The following RAPGEF2 variants were observed in gnomAD, a reference collection of about 807,000 sequenced individuals.
RAPGEF2 encodes Rap guanine nucleotide exchange factor 2.
RAPGEF2 carries 54 observed loss-of-function variants against 186.7 expected under a neutral mutation model. The ratio of observed to expected loss-of-function variants is 0.29; its 90% CI spans 0.23 to 0.36. The LOEUF (loss-of-function observed/expected upper bound fraction) is 0.36. Ranked by LOEUF, RAPGEF2 falls within the 10% of genes least tolerant of loss-of-function variation. The probability of loss-of-function intolerance (pLI) is 1.00; values close to 1 mark genes in which losing one functional copy is unlikely to be tolerated. For synonymous variants in RAPGEF2, 712 were observed against 705.9 expected, an observed-to-expected ratio of 1.01 and a Z score of -0.14; for missense variants, 1,532 against 2,045.0, an observed-to-expected ratio of 0.75 and a Z score of 4.84.
At chr4:159,351,690 C>A (rs1731194821) in intron 26 of RAPGEF2, among the ~76,000 whole-genome samples, 3 of 152,110 alleles carry the variant, frequency 2.0e-5, no homozygotes, top group Admixed American at 2.0e-4. Context: ...CGCCTGTAAT[C>A]CCAGCACTTT....
At chr4:159,249,747 A>G (rs1319663199) in intron 7 of RAPGEF2, among the ~76,000 whole-genome samples, 1 of 152,052 alleles carries the variant, frequency 6.6e-6, no homozygotes, top group East Asian at 1.9e-4. Context: ...TCTTTTTCCC[A>G]GTAACAGCTT....
At chr4:159,243,866 T>C in intron 7 of RAPGEF2, 75 bp downstream of exon 7, 1 of 1,036,024 alleles carries the variant, frequency 9.7e-7, no homozygotes, top group Admixed American at 2.3e-5. Flanking sequence ...CTAATGAATT[T>C]ATAATATTCA....
At chr4:159,115,168 A>C (rs1738908317) in intron 1 of RAPGEF2, among the ~76,000 whole-genome samples, 2 of 152,156 alleles carry the variant, frequency 1.3e-5, no homozygotes, top group African/African-American at 4.8e-5. Flanking sequence ...GTACTGGAGA[A>C]TGAATGCTGT....
chr4:159,125,695 T>C (rs756733399), intron 1 of RAPGEF2, among the ~76,000 whole-genome samples: 3 of 151,884 alleles, frequency 2.0e-5, no homozygotes, highest in South Asian at 4.2e-4. Context: ...GTGGCAGAGC[T>C]TGCAGTGAGC....
intron 4 of RAPGEF2, among the ~76,000 whole-genome samples, chr4:159,223,223 G>A (rs1285069977): frequency 1.3e-5 from 2 of 150,554 alleles, no homozygotes; most frequent in Non-Finnish European, 1.5e-5. Flanking sequence ...GCGTTATAGG[G>A]GTTACATATT....
intron 1 of RAPGEF2, among the ~76,000 whole-genome samples, chr4:159,119,510 T>A (rs982912414): frequency 3.3e-5 from 5 of 152,210 alleles, no homozygotes; most frequent in Admixed American, 3.3e-4. Flanking sequence ...ATTTCTCCAA[T>A]TTACTTTGCA....
At chr4:159,220,131 A>G (rs1278246808) in intron 4 of RAPGEF2, among the ~76,000 whole-genome samples, 2 of 152,190 alleles carry the variant, frequency 1.3e-5, no homozygotes, top group African/African-American at 4.8e-5. Context: ...TGAGGAGACA[A>G]TGGGGAAAGA....
rs554728730 is a variant in RAPGEF2, at chr4:159,352,816, C to T, written c.3997C>T (p.Arg1333Cys). 2.8e-5 allele frequency: 45 copies of T among 1,614,144 alleles called. No individual in the cohort carries two copies. The East Asian group carries it at 3.6e-4, about 13-fold the overall frequency. The change falls in exon 27 of 30, where the codon CGC (arginine) becomes TGC (cysteine). Residue 1333 changes from arginine (R) to cysteine (C), a missense_variant. Coordinates refer to ENST00000691494, the MANE Select transcript of RAPGEF2 (RefSeq NM_001394067.2). ...GCCAGTCTCACTGCACGATGAGAGG[C>T]GCCAGAGGCATTCTGTCAGCATCGT... Reference protein sequence around the residue: ...SVPVSLHDERRQRHSVSIVET... With the variant: ...SVPVSLHDERCQRHSVSIVET...
chr4:159,232,839 C>G (rs1250049237), intron 4 of RAPGEF2, among the ~76,000 whole-genome samples: 1 of 152,086 alleles, frequency 6.6e-6, no homozygotes, highest in Non-Finnish European at 1.5e-5. Flanking sequence ...TGTAGCCATC[C>G]TGGTATCTCA....
At chr4:159,178,749 G>T (rs1746721290) in intron 1 of RAPGEF2, among the ~76,000 whole-genome samples, 1 of 151,828 alleles carries the variant, frequency 6.6e-6, no homozygotes, top group Admixed American at 6.6e-5. Flanking sequence ...GTAGAGACGG[G>T]GGTTTCTCCA....
In RAPGEF2 at chr4:159,358,353, CTT is replaced by C; in HGVS notation, c.*216_*217del. 1 of 540,908 alleles carries C rather than the reference CTT, an allele frequency of 1.8e-6. No individual in the cohort carries two copies. The highest frequency in any genetic ancestry group is 3.6e-5 in the Admixed American group (1 of 28,000). 33.5% of individuals were successfully genotyped at this position (540,908 alleles called of 1,614,324 possible). On this transcript the variant is annotated 3_prime_UTR_variant, in exon 30 of 30. Transcript: ENST00000691494. ...AGAAATTGCCCTGGCACTTTTCAGA[CTT>C]TGTTGCTTGAAATGCACAGTGCAGC...
At chr4:159,217,927 A>G (rs904789370) in intron 4 of RAPGEF2, among the ~76,000 whole-genome samples, 1 of 152,008 alleles carries the variant, frequency 6.6e-6, no homozygotes, top group Admixed American at 6.6e-5. Flanking sequence ...ATTTTTTCGT[A>G]TGTTTATTGG....
At chr4:159,158,462 A>G (rs1418365756) in intron 1 of RAPGEF2, among the ~76,000 whole-genome samples, 1 of 152,216 alleles carries the variant, frequency 6.6e-6, no homozygotes, top group African/African-American at 2.4e-5. Flanking sequence ...ATCTTTGTTG[A>G]GAGCACTTGT....
intron 1 of RAPGEF2, among the ~76,000 whole-genome samples, chr4:159,141,184 C>T (rs1378121625): frequency 2.6e-5 from 4 of 152,180 alleles, no homozygotes; most frequent in Non-Finnish European, 4.4e-5. Flanking sequence ...TCCTGTATAC[C>T]ACTGTTCCAA....
At chr4:159,322,118 A>G (rs1407881908) in intron 9 of RAPGEF2, among the ~76,000 whole-genome samples, 2 of 152,212 alleles carry the variant, frequency 1.3e-5, no homozygotes, top group Non-Finnish European at 2.9e-5. Flanking sequence ...TGGAGTTACA[A>G]TAAAAACTGT....
intron 9 of RAPGEF2, among the ~76,000 whole-genome samples, chr4:159,316,044 T>G (rs1329416549): frequency 2.0e-5 from 3 of 152,180 alleles, no homozygotes; most frequent in Non-Finnish European, 4.4e-5. Context: ...TCCATGACAC[T>G]GAGGCTACCG....
intron 7 of RAPGEF2, among the ~76,000 whole-genome samples, chr4:159,257,464 G>C (rs758199943): frequency 2.0e-5 from 3 of 152,040 alleles, no homozygotes; most frequent in African/African-American, 7.2e-5. Context: ...GGAAAGACCC[G>C]CCCCATGATT....
intron 7 of RAPGEF2, among the ~76,000 whole-genome samples, chr4:159,259,730 C>T (rs1195442498): frequency 6.6e-6 from 1 of 151,882 alleles, no homozygotes; most frequent in Non-Finnish European, 1.5e-5. Context: ...AAAAAAATAC[C>T]ACTCATAAAA....
Position 159,129,510 on chromosome 4 carries a change from T to G in RAPGEF2, c.69+25279T>G, listed in dbSNP as rs1443584689. Among the ~76,000 whole-genome samples the G allele has an allele frequency of 2.6e-5, 4 of 152,328 alleles. 1 individual carries two copies. The East Asian group carries it at 7.7e-4, about 29-fold the overall frequency. Reference sequence around the variant, plus strand: ...AGTCACCTAGATGTTTTCTTATGGTTTATTCAGTTCTAACATCAACCTTAT... The same window carrying G: ...AGTCACCTAGATGTTTTCTTATGGTGTATTCAGTTCTAACATCAACCTTAT... On this transcript the variant is annotated intron_variant, in intron 1 of 29. Coordinates refer to ENST00000691494, the MANE Select transcript of RAPGEF2 (RefSeq NM_001394067.2).
Sources: allele counts gnomAD v4.1 joint callset (sites outside exome capture counted in the v4.1 genomes callset), GRCh38; gene constraint gnomAD v4.1.1; transcripts MANE v1.5; gene names NCBI Gene and HGNC (gene_info 2026-07-23, HGNC 2026-07-21).